The following CFAP47 variants were observed in gnomAD, a reference collection of about 807,000 sequenced individuals.
The protein encoded by CFAP47 is cilia and flagella associated protein 47, also known as cilia- and flagella-associated protein 47.
In CFAP47, 29 loss-of-function variants were observed where a neutral mutation model predicts 148.1. The observed-to-expected ratio is 0.20, with a 90% CI of 0.15 to 0.27. CFAP47 has a LOEUF of 0.27. Among genes scored for constraint, CFAP47 ranks in the 10% least tolerant of loss-of-function variants. The pLI, the probability that CFAP47 is intolerant of heterozygous loss-of-function variation, is 1.00. For missense variants in CFAP47, 1,872 were observed against 1,697.5 expected, an observed-to-expected ratio of 1.10 and a Z score of -1.81; for synonymous variants, 664 against 577.3, an observed-to-expected ratio of 1.15 and a Z score of -2.15.
At chrX:36,124,411 C>G (rs1344512774) in intron 33 of CFAP47, among the ~76,000 whole-genome samples, 2 of 111,479 alleles carry the variant, frequency 1.8e-5, no homozygotes, top group African/African-American at 6.5e-5. Flanking sequence ...GGACTTTAGT[C>G]TGTGATGGTG....
At chrX:36,263,750 A>G (rs1940856789) in intron 49 of CFAP47, among the ~76,000 whole-genome samples, 1 of 111,482 alleles carries the variant, frequency 9.0e-6, no homozygotes, top group African/African-American at 3.3e-5. Flanking sequence ...GAAATCAAGG[A>G]CGCCAAGAGC....
chrX:36,274,954 G>A (rs1165015274), intron 49 of CFAP47, among the ~76,000 whole-genome samples: 1 of 111,849 alleles, frequency 8.9e-6, no homozygotes, highest in Non-Finnish European at 1.9e-5. Flanking sequence ...TACATATGAT[G>A]TTACGTGTGA....
In CFAP47 at chrX:36,385,242, G is replaced by A; in HGVS notation, c.*236G>A. ...TTTAAAGTGCAGGTGTATATTTGTGGTAAAACGAAATATAATTTAAATGAC... is the reference window on the plus strand; with the variant it reads ...TTTAAAGTGCAGGTGTATATTTGTGATAAAACGAAATATAATTTAAATGAC... On this transcript the variant is annotated 3_prime_UTR_variant, in exon 64 of 64. Transcript: ENST00000378653. 3 of 299,519 alleles carry A rather than the reference G, an allele frequency of 1.0e-5. No individual in the cohort carries two copies. Among genetic ancestry groups the A allele is most frequent in the Non-Finnish European group, 5.8e-6 (1 of 172,258 alleles). The allele number at this position is 299,519 out of a possible 1,213,427, so 24.7% of individuals were successfully genotyped here.
chrX:36,053,942 G>A (rs1937534264), intron 26 of CFAP47, among the ~76,000 whole-genome samples: 1 of 112,563 alleles, frequency 8.9e-6, no homozygotes, highest in Non-Finnish European at 1.9e-5. Flanking sequence ...AACCACAGAT[G>A]TAGTTTTTCT....
intron 2 of CFAP47, among the ~76,000 whole-genome samples, chrX:35,935,012 C>T (rs778444705): frequency 1.5e-4 from 17 of 110,933 alleles, no homozygotes; most frequent in African/African-American, 4.9e-4. Context: ...GAGCCATGAG[C>T]TATGCAGCCT....
At chrX:36,263,056 C>T (rs1386455492) in intron 49 of CFAP47, among the ~76,000 whole-genome samples, 1 of 111,835 alleles carries the variant, frequency 8.9e-6, no homozygotes, top group Non-Finnish European at 1.9e-5. Context: ...CCATTTTTAT[C>T]AGATTATTAG....
Position 36,231,896 on chromosome X carries a change from C to T in CFAP47, c.7014+3072C>T, listed in dbSNP as rs781841532. Among the ~76,000 whole-genome samples, 636 of 111,245 alleles carry T rather than the reference C, an allele frequency of 5.7e-3. 6 individuals are homozygous for T. The highest frequency in any genetic ancestry group is 0.019 in the African/African-American group (577 of 30,571). On this transcript the variant is annotated intron_variant, in intron 46 of 63. Transcript: ENST00000378653. ...CATGTGGTTTTTGTCTTTGGTTCTG[C>T]TTATATGCTGGATTACATTTATTGA...
At chrX:36,383,678 A>G (rs1212770024) in intron 63 of CFAP47, among the ~76,000 whole-genome samples, 2 of 111,574 alleles carry the variant, frequency 1.8e-5, no homozygotes, top group Non-Finnish European at 3.8e-5. Flanking sequence ...TGAGGCTATT[A>G]AGAATGTATT....
Position 36,299,000 on chromosome X carries a change from T to C in CFAP47, c.7710T>C (p.Pro2570=). 3 of 1,154,500 alleles carry C rather than the reference T, an allele frequency of 2.6e-6. No homozygotes were observed. The highest frequency in any genetic ancestry group is 3.5e-6 in the Non-Finnish European group (3 of 862,313). The stretch of plus-strand genomic sequence containing the variant: ...AGGACAGCACTTGCATTGAAATACC[T>C]CTCTCTAATCCAAAAGATAGAGGTC... ...IALDSTCIEI[P]LSNPKDRGLH... Residue 2570 remains proline (P), a synonymous_variant, in exon 52 of 64, where the codon CCT becomes CCC. Transcript: ENST00000378653.
intron 45 of CFAP47, among the ~76,000 whole-genome samples, chrX:36,222,243 T>C (rs1186256270): frequency 9.0e-6 from 1 of 111,626 alleles, no homozygotes; most frequent in African/African-American, 3.2e-5. Flanking sequence ...GACATTCTTT[T>C]AGCATTCCAA....
intron 33 of CFAP47, among the ~76,000 whole-genome samples, chrX:36,132,807 A>G (rs973775626): frequency 8.9e-6 from 1 of 111,870 alleles, no homozygotes; most frequent in Non-Finnish European, 1.9e-5. Flanking sequence ...ACTGGTATTC[A>G]ACAAGTAAGA....
intron 16 of CFAP47, among the ~76,000 whole-genome samples, 174 bp from the exon 17 acceptor site, chrX:35,991,647 A>G (rs1459028385): frequency 9.0e-6 from 1 of 111,093 alleles, no homozygotes; most frequent in Non-Finnish European, 1.9e-5. Context: ...TGCATGTTAG[A>G]ACATACTGAA....
At chrX:36,181,711 C>A (rs913143480) in intron 40 of CFAP47, among the ~76,000 whole-genome samples, 1 of 111,996 alleles carries the variant, frequency 8.9e-6, no homozygotes, top group Non-Finnish European at 1.9e-5. Context: ...CAGGCTCATG[C>A]AGATTAACTC....
At chrX:36,077,452 T>A (rs1345862024) in intron 29 of CFAP47, among the ~76,000 whole-genome samples, 1 of 108,100 alleles carries the variant, frequency 9.3e-6, no homozygotes, top group East Asian at 2.9e-4. Context: ...CTTTCAGCAG[T>A]GTTTTATAGA....
rs782752057 is a variant in CFAP47 at position 36,263,157 on chromosome X, G to C, written c.7444+11713G>C. On this transcript the variant is annotated intron_variant, in intron 49 of 63. Transcript: ENST00000378653. ...TTGCAAATGTGTTCTCTCAATCTGT[G>C]GGTTGTCATTTCACTTTGTTGATAG... Among the ~76,000 whole-genome samples the C allele has an allele frequency of 5.4e-5, 6 of 111,756 alleles. No homozygotes were observed. The South Asian group carries it at 2.3e-3, about 42-fold the overall frequency.
intron 33 of CFAP47, among the ~76,000 whole-genome samples, chrX:36,116,310 G>T (rs189850254): frequency 8.9e-6 from 1 of 112,116 alleles, no homozygotes; most frequent in Non-Finnish European, 1.9e-5. Context: ...GTGAGAACAC[G>T]TGGTATTTGG....
Position 36,363,890 on chromosome X carries a change from G to T in CFAP47, c.9023+2389G>T, listed in dbSNP as rs373109957. Among the ~76,000 whole-genome samples the T allele has an allele frequency of 3.1e-4, 35 of 111,504 alleles. No homozygotes were observed. The South Asian group carries it at 4.8e-3, about 15-fold the overall frequency. Reference sequence around the variant, plus strand: ...AAAATCAAGGGTCCAATACAAAAGCGTATGAGAACAATGGTTAAGAGTGTA... The same window carrying T: ...AAAATCAAGGGTCCAATACAAAAGCTTATGAGAACAATGGTTAAGAGTGTA... On this transcript the variant is annotated intron_variant, in intron 61 of 63. Coordinates refer to ENST00000378653, the MANE Select transcript of CFAP47 (RefSeq NM_001304548.2).
rs759350003 is a variant in CFAP47 at position 35,975,637 on chromosome X, A to G, written c.2472-35A>G. The G allele has an allele frequency of 1.1e-5, 13 of 1,192,342 alleles. No individual in the cohort carries two copies. The African/African-American group carries it at 2.3e-4, about 21-fold the overall frequency. On this transcript the variant is annotated intron_variant, in intron 14 of 63. Transcript: ENST00000378653. ...AATTCTATAATCACAAATAACTATT[A>G]TCAGTTAAATTTGGATGCTTTTGCT...
chrX:36,166,359 C>A (rs1279313225), intron 39 of CFAP47, among the ~76,000 whole-genome samples: 1 of 111,031 alleles, frequency 9.0e-6, no homozygotes, highest in African/African-American at 3.3e-5. Context: ...GTTCTTTCTT[C>A]CCCCAATTCA....
Sources: allele counts gnomAD v4.1 joint callset (sites outside exome capture counted in the v4.1 genomes callset), GRCh38; gene constraint gnomAD v4.1.1; transcripts MANE v1.5; gene names NCBI Gene and HGNC (gene_info 2026-07-23, HGNC 2026-07-21).